Variants in GSG1 observed in about 807,000 individuals in gnomAD.
GSG1 encodes the protein germ cell associated 1.
In GSG1, 28 loss-of-function variants were observed where a neutral mutation model predicts 30.8. The ratio of observed to expected loss-of-function variants is 0.91; its 90% CI spans 0.67 to 1.25. The LOEUF is 1.25. Among genes scored for constraint, GSG1 ranks in the 50% most tolerant of loss-of-function variants. The pLI is 0.00. For synonymous variants in GSG1, 162 were observed against 178.0 expected, an observed-to-expected ratio of 0.91 and a Z score of 0.71; for missense variants, 435 against 444.7, an observed-to-expected ratio of 0.98 and a Z score of 0.20.
In GSG1 at chr12:13,101,272, C is replaced by A. The variant is rs980211098; in HGVS notation, c.48+2193G>T. On this transcript the variant is annotated intron_variant, in intron 1 of 6. Transcript: ENST00000651961. This position sits in a 1 kb window ranked among gnomAD's most constrained non-coding sequence, Gnocchi z 5.8. ...CGCGCCCTCCCACCCTGATGAGTAA[C>A]GCGCCGTCTCTCCCGTTTACTACGG... 6.6e-6 allele frequency among the ~76,000 whole-genome samples: 1 copy of A among 152,128 alleles called. No homozygotes were observed. Among genetic ancestry groups the A allele is most frequent in the African/African-American group, 2.4e-5 (1 of 41,450 alleles).
intron 1 of GSG1, chr12:13,095,666 C>A: frequency 6.2e-7 from 1 of 1,613,798 alleles, no homozygotes; most frequent in East Asian, 2.2e-5. Context: ...ACTCCAAGTC[C>A]CTTTGGTTTA....
chr12:13,086,470 T>C (rs1023956051), intron 6 of GSG1, among the ~76,000 whole-genome samples: 41 of 152,232 alleles, frequency 2.7e-4, no homozygotes, highest in Admixed American at 2.6e-3. Flanking sequence ...TAAATATCAG[T>C]ACAAGTTGGC....
chr12:13,099,763 T>TTTTTTTGTTTTTG (rs1863054005), intron 1 of GSG1, among the ~76,000 whole-genome samples: 1 of 148,572 alleles, frequency 6.7e-6, no homozygotes, highest in African/African-American at 2.5e-5. Context: ...TTTTTTTTTT[T>TTTTTTTGTTTTTG]TTTTTGTTTT....
At position 13,088,917 on chromosome 12, in the gene GSG1, A is replaced by T; in HGVS notation, c.434-8T>A. Reference sequence around the variant, plus strand: ...AACTTCGGCACCTCTCCCCTGAAACATACAAGGTACAACGTCATGGAGCTA... The same window carrying T: ...AACTTCGGCACCTCTCCCCTGAAACTTACAAGGTACAACGTCATGGAGCTA... On this transcript the variant is annotated splice_polypyrimidine_tract_variant and splice_region_variant and intron_variant, in intron 3 of 6. Transcript: ENST00000651961. 6.2e-7 allele frequency: 1 copy of T among 1,614,088 alleles called. No individual in the cohort carries two copies. The highest frequency in any genetic ancestry group is 1.7e-4 in the Middle Eastern group (1 of 6,060).
At chr12:13,092,374 C>T (rs1565539611) in intron 1 of GSG1, among the ~76,000 whole-genome samples, 2 of 151,838 alleles carry the variant, frequency 1.3e-5, no homozygotes, top group South Asian at 2.1e-4. Context: ...GCAGATTGAG[C>T]GAGAGAGAGA....
chr12:13,095,634 A>G, intron 1 of GSG1: 1 of 1,614,226 alleles, frequency 6.2e-7, no homozygotes, highest in African/African-American at 1.3e-5. Context: ...CTTGTCTGGA[A>G]GAACCGAAGG....
intron 1 of GSG1, among the ~76,000 whole-genome samples, chr12:13,099,762 T>TTTTG (rs769231762): frequency 0.04 from 5,946 of 148,346 alleles, 423 homozygotes; most frequent in East Asian, 0.31. Context: ...TTTTTTTTTT[T>TTTTG]TTTTTTGTTT....
Position 13,088,857 on chromosome 12 carries a change from C to T in GSG1, c.481+5G>A, listed in dbSNP as rs778460785. ...ACGTGGCAAATTCCAGTAGTCCTTTCTCACCTCTCTTGGCTGGTGGTGTAA... is the reference window on the plus strand; with the variant it reads ...ACGTGGCAAATTCCAGTAGTCCTTTTTCACCTCTCTTGGCTGGTGGTGTAA... On this transcript the variant is annotated splice_donor_5th_base_variant and intron_variant, in intron 4 of 6. Coordinates refer to ENST00000651961, the MANE Select transcript of GSG1 (RefSeq NM_001080555.4). 4 of 1,614,070 alleles carry T rather than the reference C, an allele frequency of 2.5e-6. No individual in the cohort carries two copies. Among genetic ancestry groups the T allele is most frequent in the Non-Finnish European group, 3.4e-6 (4 of 1,180,040 alleles).
chr12:13,086,117 C>A (rs1216987124), intron 6 of GSG1, among the ~76,000 whole-genome samples: 2 of 152,216 alleles, frequency 1.3e-5, no homozygotes, highest in African/African-American at 4.8e-5. Flanking sequence ...CATGCGGGCA[C>A]TGTGTGTTCA....
intron 4 of GSG1, among the ~76,000 whole-genome samples, chr12:13,088,435 C>G (rs778843271): frequency 1.3e-5 from 2 of 152,126 alleles, no homozygotes; most frequent in Non-Finnish European, 2.9e-5. Context: ...TCACTCTTTT[C>G]CTTTCATTTT....
Position 13,084,956 on chromosome 12 carries a change from G to T in GSG1, c.1034C>A (p.Ala345Asp). The T allele has an allele frequency of 1.3e-6, 2 of 1,551,830 alleles. No individual in the cohort carries two copies. The highest frequency in any genetic ancestry group is 2.7e-5 in the African/African-American group (2 of 73,156). ...ELRNKGFQRGASQELKEAVRS... is the reference protein window; with the variant it reads ...ELRNKGFQRGDSQELKEAVRS... ...AACTGCTTCTTTCAGCTCCTGGCTG[G>T]CCCCTCTTTGAAATCCCTTGTTCCG... The change falls in exon 7 of 7, where the codon GCC becomes GAC. Residue 345 changes from alanine (A) to aspartate (D), a missense_variant. Transcript: ENST00000651961.
rs1469430232 is a variant in GSG1 at position 13,093,590 on chromosome 12, T to C, written c.49-2772A>G. ...ATCCACTGCCACAGAGACAATAGAG[T>C]TTCAAATGCGAGGTGGCTGTGTGGT... On this transcript the variant is annotated intron_variant, in intron 1 of 6. Coordinates refer to ENST00000651961, the MANE Select transcript of GSG1 (RefSeq NM_001080555.4). The surrounding 1 kb of genome is among the most constrained non-coding windows in gnomAD (Gnocchi z 4.6). Among the ~76,000 whole-genome samples the C allele has an allele frequency of 6.7e-6, 1 of 149,798 alleles. No individual in the cohort carries two copies. Among genetic ancestry groups the C allele is most frequent in the Non-Finnish European group, 1.5e-5 (1 of 67,330 alleles).
rs1865447242 is a variant in GSG1, at chr12:13,085,615, A to G, written c.747-372T>C. Among the ~76,000 whole-genome samples the G allele has an allele frequency of 1.3e-5, 2 of 152,122 alleles. 1 individual carries two copies. The highest frequency in any genetic ancestry group is 6.8e-3 in the Middle Eastern group (2 of 294). On this transcript the variant is annotated intron_variant, in intron 6 of 6. Transcript: ENST00000651961. The stretch of plus-strand genomic sequence containing the variant: ...CCAAGATTCCCCAGGCCTGAAGCTG[A>G]GCTGTATGCAGTGGACATAACCTAC...
intron 1 of GSG1, among the ~76,000 whole-genome samples, chr12:13,095,286 G>T (rs1866564443): frequency 6.6e-6 from 1 of 152,314 alleles, no homozygotes; most frequent in East Asian, 1.9e-4. Context: ...AAGTGATCCT[G>T]AAGAAGTAAT....
In GSG1 at chr12:13,087,147, C is replaced by T. The variant is rs747265339; in HGVS notation, c.746+5G>A. 2.1e-5 allele frequency: 33 copies of T among 1,601,658 alleles called. No individual in the cohort carries two copies. The highest frequency in any genetic ancestry group is 2.8e-5 in the Non-Finnish European group (33 of 1,168,886). On this transcript the variant is annotated splice_donor_5th_base_variant and intron_variant, in intron 6 of 6. Coordinates refer to ENST00000651961, the MANE Select transcript of GSG1 (RefSeq NM_001080555.4). ...TACAAAGGTTCAGGAGATGACAGCA[C>T]TTACTAGAAGGCCCAGCCATAATTC...
chr12:13,096,977 A>G (rs1466414717), intron 1 of GSG1, among the ~76,000 whole-genome samples: 2 of 151,908 alleles, frequency 1.3e-5, no homozygotes, highest in South Asian at 2.1e-4. Context: ...TGTAATCCCA[A>G]CTACTTGGGA....
At chr12:13,088,676 G>C in intron 4 of GSG1, 186 bp downstream of exon 4, 4 of 1,471,640 alleles carry the variant, frequency 2.7e-6, no homozygotes, top group Non-Finnish European at 3.7e-6. Flanking sequence ...TCACAGTGCA[G>C]TTTAGATCCG....
chr12:13,094,926 G>A (rs897080944), intron 1 of GSG1, among the ~76,000 whole-genome samples: 1 of 151,982 alleles, frequency 6.6e-6, no homozygotes, highest in Non-Finnish European at 1.5e-5. Context: ...AAAGAATAAC[G>A]AACCCCATAC....
chr12:13,087,199 A>G lies in GSG1; in HGVS notation c.699T>C (p.Gly233=), dbSNP rs753382732. ...SQVFQATVNL[G]PEDWRPHVWN... Reference sequence around the variant, plus strand: ...AAACATGTGGTCTCCAGTCTTCTGGACCCAAGTTGACAGTCGCTTGGAAGA... The same window carrying G: ...AAACATGTGGTCTCCAGTCTTCTGGGCCCAAGTTGACAGTCGCTTGGAAGA... Residue 233 remains glycine, a synonymous_variant, in exon 6 of 7, where the codon GGT becomes GGC. Transcript: ENST00000651961. 22 of 1,613,980 alleles carry G rather than the reference A, an allele frequency of 1.4e-5. No homozygotes were observed. Among genetic ancestry groups the G allele is most frequent in the Non-Finnish European group, 1.9e-5 (22 of 1,179,956 alleles).
Sources: gnomAD v4.1 joint callset for allele counts (sites outside exome capture counted in the v4.1 genomes callset) on GRCh38, gnomAD v4.1.1 for gene constraint, Gnocchi (gnomAD v3.1) non-coding constraint, MANE v1.5 for transcripts, NCBI Gene and HGNC (gene_info 2026-07-23, HGNC 2026-07-21) for gene names.